ATRX: variants seen among roughly 807,000 people sequenced by gnomAD.
ATRX encodes chromatin remodeler ATRX.
In ATRX, 12 loss-of-function variants were observed where a neutral mutation model predicts 172.6. The observed-to-expected ratio is 0.07, with a 90% confidence interval of 0.04 to 0.11. ATRX has a LOEUF of 0.11. Ranked by LOEUF, ATRX falls within the 10% of genes least tolerant of loss-of-function variation. The pLI is 1.00. For synonymous variants in ATRX, 674 were observed against 594.7 expected, an observed-to-expected ratio of 1.13 and a Z score of -1.94; for missense variants, 1,368 against 1,767.4, an observed-to-expected ratio of 0.77 and a Z score of 4.05.
chrX:77,745,173 GAAA>G (rs1247509964), intron 1 of ATRX, among the ~76,000 whole-genome samples: 2 of 27,446 alleles, frequency 7.3e-5, no homozygotes, highest in East Asian at 1.2e-3. Context: ...TCTCAAAAAT[GAAA>G]AAAAAAAAAA....
At chrX:77,658,681 A>G (rs782059818) in intron 12 of ATRX, among the ~76,000 whole-genome samples, 16 of 112,202 alleles carry the variant, frequency 1.4e-4, no homozygotes, top group African/African-American at 4.8e-4. Context: ...TAAATTAATG[A>G]ATATGGCTGT....
At chrX:77,580,221 G>C (rs2065780766) in intron 27 of ATRX, among the ~76,000 whole-genome samples, 1 of 111,645 alleles carries the variant, frequency 9.0e-6, no homozygotes, top group Non-Finnish European at 1.9e-5. Context: ...TTAAACAGGA[G>C]GTAGAGAGAA....
chrX:77,549,456 G>C (rs2064381955), intron 30 of ATRX, among the ~76,000 whole-genome samples: 2 of 112,039 alleles, frequency 1.8e-5, no homozygotes, highest in African/African-American at 6.5e-5. Context: ...TTTATTACCA[G>C]AAAAGGTACT....
intron 30 of ATRX, among the ~76,000 whole-genome samples, chrX:77,524,416 T>C (rs1212263705): frequency 1.8e-5 from 2 of 111,803 alleles, no homozygotes; most frequent in Admixed American, 1.9e-4. Flanking sequence ...CTGCACCTAG[T>C]GATGCTTAAT....
At chrX:77,681,149 C>T (rs1272429447) in intron 9 of ATRX, among the ~76,000 whole-genome samples, 2 of 111,571 alleles carry the variant, frequency 1.8e-5, no homozygotes, top group Non-Finnish European at 3.8e-5. Context: ...TTTTGACACA[C>T]CATGTCATAC....
chrX:77,561,761 C>T (rs1480160494), intron 28 of ATRX: 2 of 111,176 alleles, frequency 1.8e-5, no homozygotes, highest in Non-Finnish European at 3.8e-5. Context: ...TTACAGCAGT[C>T]GAGCTCCCAT....
rs2147941786 is a variant in ATRX at position 77,557,568 on chromosome X, C to A, written c.6582G>T (p.Gln2194His). ...CATTCATAGTAAAATGACGCTCCAC[C>A]TGCTGCTGATCAACAACTCGAAAAG... ...SLSFRVVDQQQVERHFTMNEL... is the reference protein window; with the variant it reads ...SLSFRVVDQQHVERHFTMNEL... The change falls in exon 30 of 35, where the codon CAG becomes CAT. Residue 2194 changes from glutamine to histidine, a missense_variant. Gln to His is a conservative substitution (Grantham distance 24, BLOSUM62 0). Coordinates refer to ENST00000373344, the MANE Select transcript of ATRX (RefSeq NM_000489.6). 1 of 1,209,168 alleles carries A rather than the reference C, an allele frequency of 8.3e-7. No individual in the cohort carries two copies. Among genetic ancestry groups the A allele is most frequent in the Non-Finnish European group, 1.1e-6 (1 of 894,330 alleles).
intron 15 of ATRX, among the ~76,000 whole-genome samples, chrX:77,646,352 C>T (rs900624907): frequency 3.6e-5 from 4 of 111,292 alleles, no homozygotes; most frequent in African/African-American, 1.3e-4. Context: ...AAGTCAGAAA[C>T]TGTTACAAGA....
At chrX:77,572,192 T>C (rs1043884021) in intron 28 of ATRX, among the ~76,000 whole-genome samples, 2 of 111,174 alleles carry the variant, frequency 1.8e-5, no homozygotes, top group Non-Finnish European at 3.8e-5. Flanking sequence ...ATAATATACA[T>C]GTACAGGTTG....
rs782736417 is a variant in ATRX at position 77,562,651 on chromosome X, C to G, written c.6327-3805G>C. Among the ~76,000 whole-genome samples the G allele has an allele frequency of 5.4e-5, 6 of 111,498 alleles. No homozygotes were observed. The South Asian group carries it at 2.3e-3, about 42-fold the overall frequency. ...CCTCGAATTCCTGGGCTCAAGTGAT[C>G]CTCCTTCCTCAGCCTCCTAAGTAGT... On this transcript the variant is annotated intron_variant, in intron 28 of 34. Transcript: ENST00000373344.
chrX:77,684,368 C>T lies in ATRX; in HGVS notation c.888G>A (p.Lys296=), dbSNP rs2148635409. 1 of 1,210,231 alleles carries T rather than the reference C, an allele frequency of 8.3e-7. No individual in the cohort carries two copies. Among genetic ancestry groups the T allele is most frequent in the Non-Finnish European group, 1.1e-6 (1 of 894,013 alleles). Residue 296 remains lysine, a synonymous_variant, in exon 9 of 35, where the codon AAG becomes AAA. Coordinates refer to ENST00000373344, the MANE Select transcript of ATRX (RefSeq NM_000489.6). ...NLEQLLQQNK[K]KIKVDSEKSN... is the part of the protein sequence containing the mutation. ...TCTTTTCACTGTCAACTTTTATCTT[C>T]TTCTTATTTTGCTGCAACAACTGTT...
intron 22 of ATRX, among the ~76,000 whole-genome samples, chrX:77,603,451 C>T (rs1228634521): frequency 3.7e-5 from 4 of 109,212 alleles, no homozygotes; most frequent in South Asian, 4.1e-4. Context: ...CTGCAATCTC[C>T]GCCTCCCGGG....
At chrX:77,630,568 C>A (rs781831733) in intron 19 of ATRX, among the ~76,000 whole-genome samples, 1 of 111,811 alleles carries the variant, frequency 8.9e-6, no homozygotes, top group East Asian at 2.8e-4. Flanking sequence ...ATATTGAGAG[C>A]CTAGAAATAA....
At chrX:77,623,190 A>G (rs1411258938) in intron 19 of ATRX, among the ~76,000 whole-genome samples, 1 of 111,913 alleles carries the variant, frequency 8.9e-6, no homozygotes, top group Non-Finnish European at 1.9e-5. Flanking sequence ...AGAAGAGAGA[A>G]AATCCAAATA....
At chrX:77,754,980 T>C (rs1444763634) in intron 1 of ATRX, among the ~76,000 whole-genome samples, 3 of 112,251 alleles carry the variant, frequency 2.7e-5, no homozygotes, top group African/African-American at 3.2e-5. Context: ...CAATCAATCA[T>C]AGGTTTGGTC....
At chrX:77,725,395 G>A (rs2073985049) in intron 1 of ATRX, among the ~76,000 whole-genome samples, 1 of 111,825 alleles carries the variant, frequency 8.9e-6, no homozygotes, top group Non-Finnish European at 1.9e-5. Flanking sequence ...TTAACAAATG[G>A]TGCTGGGAAA....
At chrX:77,694,264 AT>A (rs1364348499) in intron 5 of ATRX, among the ~76,000 whole-genome samples, 6 of 112,293 alleles carry the variant, frequency 5.3e-5, no homozygotes, top group African/African-American at 1.9e-4. Flanking sequence ...TGTTATGAAT[AT>A]GAACATCTAT....
chrX:77,557,117 C>T (rs1052221100), intron 30 of ATRX, among the ~76,000 whole-genome samples: 2 of 111,672 alleles, frequency 1.8e-5, no homozygotes, highest in Non-Finnish European at 3.8e-5. Flanking sequence ...TGAATAAATT[C>T]GAAGTAATTT....
At chrX:77,767,903 G>A (rs781980844) in intron 1 of ATRX, among the ~76,000 whole-genome samples, 11 of 111,519 alleles carry the variant, frequency 9.9e-5, no homozygotes, top group Non-Finnish European at 1.7e-4. Context: ...TACCTGATAC[G>A]ATTGTTATAT....
Sources: allele counts gnomAD v4.1 joint callset (sites outside exome capture counted in the v4.1 genomes callset), GRCh38; gene constraint gnomAD v4.1.1; transcripts MANE v1.5; gene names NCBI Gene and HGNC (gene_info 2026-07-23, HGNC 2026-07-21).